Variants in SIPA1L1 observed in about 807,000 individuals in gnomAD.
The protein encoded by SIPA1L1 is signal-induced proliferation-associated 1-like protein 1.
SIPA1L1 carries 26 observed loss-of-function variants against 162.7 expected under a neutral mutation model. That is an observed-to-expected ratio of 0.16 (90% CI 0.12 to 0.22). The LOEUF (loss-of-function observed/expected upper bound fraction) is 0.22. SIPA1L1 is among the 10% of genes least tolerant of loss of function. The pLI is 1.00. For synonymous variants in SIPA1L1, 829 were observed against 837.4 expected, an observed-to-expected ratio of 0.99 and a Z score of 0.17; for missense variants, 1,874 against 2,241.0, an observed-to-expected ratio of 0.84 and a Z score of 3.31.
intron 2 of SIPA1L1, among the ~76,000 whole-genome samples, chr14:71,365,427 T>C (rs1483553394): frequency 6.6e-6 from 1 of 152,092 alleles, no homozygotes; most frequent in East Asian, 1.9e-4. Context: ...AAGCCCTCTT[T>C]CCACTATTGC....
intron 2 of SIPA1L1, among the ~76,000 whole-genome samples, chr14:71,461,081 A>G (rs1472906667): frequency 5.3e-5 from 8 of 152,214 alleles, no homozygotes; most frequent in Non-Finnish European, 1.0e-4. Context: ...ATGAGTCTAC[A>G]GATAGTAGTC....
chr14:71,507,624 T>C (rs1167187463), intron 2 of SIPA1L1, among the ~76,000 whole-genome samples: 7 of 152,244 alleles, frequency 4.6e-5, no homozygotes. Context: ...TTGACCATCT[T>C]ACTCCTTGTA....
chr14:71,323,088 T>C (rs1021749143), intron 2 of SIPA1L1, among the ~76,000 whole-genome samples: 1 of 152,266 alleles, frequency 6.6e-6, no homozygotes. Context: ...TTCAGGCTTC[T>C]GCATTTGCTT....
chr14:71,352,117 T>C (rs2036777618), intron 2 of SIPA1L1, among the ~76,000 whole-genome samples: 1 of 152,024 alleles, frequency 6.6e-6, no homozygotes, highest in South Asian at 2.1e-4. Flanking sequence ...TTTAAAAACA[T>C]ACTTTATATT....
At chr14:71,706,104 G>A (rs192511711) in intron 16 of SIPA1L1, among the ~76,000 whole-genome samples, 206 of 152,144 alleles carry the variant, frequency 1.4e-3, no homozygotes, top group Non-Finnish European at 2.4e-3. Flanking sequence ...CTTTAAATGA[G>A]AGATGCATGT....
intron 4 of SIPA1L1, among the ~76,000 whole-genome samples, chr14:71,572,934 G>A (rs909864528): frequency 6.6e-6 from 1 of 152,162 alleles, no homozygotes; most frequent in Non-Finnish European, 1.5e-5. Context: ...CATAGAATGG[G>A]GTAAGGAAAT....
Position 71,429,605 on chromosome 14 carries a change from C to G in SIPA1L1, c.-464-83138C>G, listed in dbSNP as rs142815711. Among the ~76,000 whole-genome samples, 12 of 151,976 alleles carry G rather than the reference C, an allele frequency of 7.9e-5. 1 individual carries two copies. In the East Asian group the frequency reaches 2.3e-3, roughly 29 times the overall value. On this transcript the variant is annotated intron_variant, in intron 2 of 23. Transcript: ENST00000381232. Reference sequence around the variant, plus strand: ...GCAGGCAACATCCTTGTCCTTGGCTCTGTGTATATGGGCATGTTTCTCTAT... The same window carrying G: ...GCAGGCAACATCCTTGTCCTTGGCTGTGTGTATATGGGCATGTTTCTCTAT...
intron 4 of SIPA1L1, among the ~76,000 whole-genome samples, chr14:71,540,835 TA>T (rs2054312785): frequency 1.3e-5 from 2 of 152,046 alleles, no homozygotes; most frequent in South Asian, 4.1e-4. Flanking sequence ...AATCAGAACT[TA>T]TTCATGCTGG....
At chr14:71,603,020 T>A (rs776569756) in intron 5 of SIPA1L1, among the ~76,000 whole-genome samples, 3 of 152,224 alleles carry the variant, frequency 2.0e-5, no homozygotes, top group Non-Finnish European at 4.4e-5. Context: ...GTTTTGTTTA[T>A]GTATCTGGGT....
In SIPA1L1 at chr14:71,636,107, T is replaced by C. The variant is rs182987711; in HGVS notation, c.1818+11871T>C. Among the ~76,000 whole-genome samples, 94 of 152,306 alleles carry C rather than the reference T, an allele frequency of 6.2e-4. 2 individuals are homozygous for C. In the East Asian group the frequency reaches 0.018, roughly 28 times the overall value. On this transcript the variant is annotated intron_variant, in intron 7 of 23. Transcript: ENST00000381232. ...GGAGAAATAGGTAAATACACAATTA[T>C]AGTTGGTGATTTTAACATCTCTCCT...
chr14:71,473,588 G>A (rs1160303596), intron 2 of SIPA1L1, among the ~76,000 whole-genome samples: 1 of 152,150 alleles, frequency 6.6e-6, no homozygotes, highest in African/African-American at 2.4e-5. Flanking sequence ...GTGGGGATCT[G>A]CCTTAAAAAT....
chr14:71,721,786 G>A (rs970484583), intron 17 of SIPA1L1, among the ~76,000 whole-genome samples: 2 of 152,172 alleles, frequency 1.3e-5, no homozygotes, highest in African/African-American at 2.4e-5. Flanking sequence ...ATGGGGTCAT[G>A]TGCACCCCAA....
At chr14:71,710,477 T>G (rs1296104866) in intron 17 of SIPA1L1, among the ~76,000 whole-genome samples, 4 of 152,170 alleles carry the variant, frequency 2.6e-5, no homozygotes, top group Admixed American at 2.0e-4. Flanking sequence ...CATCTAACCT[T>G]GCTGTCTTCT....
chr14:71,739,166 G>C lies in SIPA1L1; in HGVS notation c.*5G>C. ...AACACCATAGACATGAGCTAGGGAAGGCTGAGGAGGACAGGAGAAGGGCCC... is the reference window on the plus strand; with the variant it reads ...AACACCATAGACATGAGCTAGGGAACGCTGAGGAGGACAGGAGAAGGGCCC... On this transcript the variant is annotated 3_prime_UTR_variant, in exon 24 of 24. Coordinates refer to ENST00000381232, the MANE Select transcript of SIPA1L1 (RefSeq NM_001386936.1). 1 of 1,611,056 alleles carries C rather than the reference G, an allele frequency of 6.2e-7. No individual in the cohort carries two copies. The highest frequency in any genetic ancestry group is 8.5e-7 in the Non-Finnish European group (1 of 1,178,174).
chr14:71,424,349 G>T (rs562693307), intron 2 of SIPA1L1, among the ~76,000 whole-genome samples: 1 of 152,112 alleles, frequency 6.6e-6, no homozygotes, highest in Admixed American at 6.5e-5. Context: ...TGCCTTGTTC[G>T]TGATGTTAGA....
At chr14:71,366,840 G>A (rs1372083131) in intron 2 of SIPA1L1, among the ~76,000 whole-genome samples, 1 of 152,110 alleles carries the variant, frequency 6.6e-6, no homozygotes, top group African/African-American at 2.4e-5. Context: ...ATATGTTAAA[G>A]GATTTTTGTA....
At chr14:71,575,585 G>A (rs780098095) in intron 4 of SIPA1L1, among the ~76,000 whole-genome samples, 1 of 152,142 alleles carries the variant, frequency 6.6e-6, no homozygotes, top group South Asian at 2.1e-4. Flanking sequence ...TAAATTTCTG[G>A]TTTTAGTTGT....
At chr14:71,498,651 C>T (rs996400208) in intron 2 of SIPA1L1, among the ~76,000 whole-genome samples, 2 of 152,146 alleles carry the variant, frequency 1.3e-5, no homozygotes, top group African/African-American at 4.8e-5. Context: ...AGTACATATT[C>T]TACTATTTTC....
intron 4 of SIPA1L1, among the ~76,000 whole-genome samples, chr14:71,572,146 C>T (rs1376320820): frequency 1.3e-5 from 2 of 152,044 alleles, no homozygotes; most frequent in African/African-American, 4.8e-5. Flanking sequence ...AGTTCTACTC[C>T]CATGATAGCC....
Sources: allele counts gnomAD v4.1 joint callset (sites outside exome capture counted in the v4.1 genomes callset), GRCh38; gene constraint gnomAD v4.1.1; transcripts MANE v1.5; gene names NCBI Gene and HGNC (gene_info 2026-07-23, HGNC 2026-07-21).